Variants in MBOAT2 observed in about 807,000 individuals in gnomAD.
The protein encoded by MBOAT2 is membrane-bound glycerophospholipid O-acyltransferase 2.
Under a neutral mutation model 63.4 loss-of-function variants are expected in MBOAT2, and 28 were observed. The observed-to-expected ratio is 0.44, with a 90% CI of 0.33 to 0.61. MBOAT2 has a LOEUF of 0.61. MBOAT2 is among the 20% of genes least tolerant of loss of function. MBOAT2 has a pLI of 0.03. For missense variants in MBOAT2, 470 were observed against 605.8 expected, an observed-to-expected ratio of 0.78 and a Z score of 2.35; for synonymous variants, 211 against 215.6, an observed-to-expected ratio of 0.98 and a Z score of 0.19.
chr2:8,900,318 C>T (rs948271111), intron 4 of MBOAT2, among the ~76,000 whole-genome samples: 1 of 152,186 alleles, frequency 6.6e-6, no homozygotes, highest in South Asian at 2.1e-4. Context: ...AACTTTGGGG[C>T]TGCAGCTAAA....
chr2:8,899,952 C>A (rs1441971666), intron 4 of MBOAT2, among the ~76,000 whole-genome samples: 1 of 148,248 alleles, frequency 6.7e-6, no homozygotes, highest in African/African-American at 2.5e-5. Flanking sequence ...CTGATATCTG[C>A]GGCTGATTGG....
intron 1 of MBOAT2, among the ~76,000 whole-genome samples, chr2:8,989,425 A>G (rs1175815920): frequency 6.6e-6 from 1 of 152,234 alleles, no homozygotes; most frequent in African/African-American, 2.4e-5. Flanking sequence ...AGTAAACAAT[A>G]GAGGCAAAAA....
chr2:8,884,253 T>C (rs925669031), intron 5 of MBOAT2, among the ~76,000 whole-genome samples: 31 of 132,756 alleles, frequency 2.3e-4, no homozygotes, highest in Admixed American at 1.4e-3. Flanking sequence ...GGGAGGGACA[T>C]GGAAGATTAT....
rs199752663 is a variant in MBOAT2, at chr2:8,947,735, GA to G, written c.222-4472del. Among the ~76,000 whole-genome samples, 1,116 of 151,990 alleles carry G rather than the reference GA, an allele frequency of 7.3e-3. 12 individuals carry two copies. Among genetic ancestry groups the G allele is most frequent in the South Asian group, 0.02 (95 of 4,812 alleles). ...GCCCCTTGTCGAGATCCATTGCTCA[GA>G]AAAAAAAGATTCCTTTCAAAATATT... On this transcript the variant is annotated intron_variant, in intron 2 of 12. Coordinates refer to ENST00000305997, the MANE Select transcript of MBOAT2 (RefSeq NM_138799.4).
chr2:8,924,801 CAA>C (rs560784126), intron 3 of MBOAT2, among the ~76,000 whole-genome samples: 316 of 151,250 alleles, frequency 2.1e-3, no homozygotes, highest in African/African-American at 6.7e-3. Flanking sequence ...AAGAAAATTT[CAA>C]AGTTAGCTAA....
intron 2 of MBOAT2, among the ~76,000 whole-genome samples, chr2:8,946,503 G>A (rs143847917): frequency 7.0e-4 from 106 of 152,272 alleles, no homozygotes; most frequent in Admixed American, 1.0e-3. Context: ...TTGCCTTACC[G>A]TGCTTTGCAG....
intron 1 of MBOAT2, among the ~76,000 whole-genome samples, chr2:8,971,594 A>C (rs1287927979): frequency 6.6e-6 from 1 of 152,234 alleles, no homozygotes; most frequent in Non-Finnish European, 1.5e-5. Flanking sequence ...TTTGCAGATA[A>C]CATAATTGTA....
chr2:8,971,273 T>C (rs1195162078), intron 1 of MBOAT2, among the ~76,000 whole-genome samples: 1 of 152,184 alleles, frequency 6.6e-6, no homozygotes, highest in African/African-American at 2.4e-5. Context: ...AACCACATGA[T>C]TATCTCAACA....
intron 8 of MBOAT2, among the ~76,000 whole-genome samples, chr2:8,869,959 A>G (rs1339487633): frequency 6.6e-6 from 1 of 152,206 alleles, no homozygotes; most frequent in Admixed American, 6.5e-5. Flanking sequence ...GGTCAACAGC[A>G]ACGAAACAAG....
intron 1 of MBOAT2, among the ~76,000 whole-genome samples, chr2:8,963,697 AGT>A (rs1669788691): frequency 6.6e-6 from 1 of 152,270 alleles, no homozygotes; most frequent in Admixed American, 6.5e-5. Flanking sequence ...AAGAAATACT[AGT>A]AAGTGAAAGT....
chr2:8,855,195 A>C lies in MBOAT2; in HGVS notation c.*3484T>G, dbSNP rs1048698598. ...GTCAATGACCATGACAATAGTGTGG[A>C]CTGTGAATGTGCCCAAGTCCTTGAA... On this transcript the variant is annotated 3_prime_UTR_variant, in exon 13 of 13. Transcript: ENST00000305997. 1 of 152,212 alleles carries C rather than the reference A, an allele frequency of 6.6e-6. No homozygotes were observed. The highest frequency in any genetic ancestry group is 1.5e-5 in the Non-Finnish European group (1 of 68,048). 9.4% of individuals were successfully genotyped at this position (152,212 alleles called of 1,614,324 possible).
At chr2:8,946,778 G>A (rs1668446520) in intron 2 of MBOAT2, among the ~76,000 whole-genome samples, 1 of 152,182 alleles carries the variant, frequency 6.6e-6, no homozygotes, top group Non-Finnish European at 1.5e-5. Flanking sequence ...TGTTAGGTGT[G>A]TTCTGACTGC....
chr2:8,999,224 C>G (rs1672521395), intron 1 of MBOAT2, among the ~76,000 whole-genome samples: 1 of 152,218 alleles, frequency 6.6e-6, no homozygotes, highest in South Asian at 2.1e-4. Flanking sequence ...TGACTTTATA[C>G]AGGCCAGCTT....
At chr2:8,978,340 T>C (rs147721590) in intron 1 of MBOAT2, among the ~76,000 whole-genome samples, 37 of 152,238 alleles carry the variant, frequency 2.4e-4, no homozygotes, top group Admixed American at 4.6e-4. Context: ...TCACAGACCT[T>C]ACAATCTAAA....
At position 8,975,185 on chromosome 2, in the gene MBOAT2, C is replaced by T. The variant is rs186891586; in HGVS notation, c.76-16543G>A. On this transcript the variant is annotated intron_variant, in intron 1 of 12. Transcript: ENST00000305997. ...TACTGCACTTGTACCTGACCAATGC[C>T]ACCATCTTACCAAATCTGCCTCGTT... Among the ~76,000 whole-genome samples, 236 of 152,244 alleles carry T rather than the reference C, an allele frequency of 1.6e-3. 6 individuals are homozygous for T. Among genetic ancestry groups the T allele is most frequent in the Admixed American group, 0.013 (199 of 15,292 alleles).
At chr2:8,861,636 C>T (rs1239035394) in intron 11 of MBOAT2, among the ~76,000 whole-genome samples, 2 of 152,196 alleles carry the variant, frequency 1.3e-5, no homozygotes, top group Admixed American at 6.5e-5. Flanking sequence ...CCCCATTATA[C>T]TTCACTCACT....
chr2:8,993,636 C>G (rs533707999), intron 1 of MBOAT2, among the ~76,000 whole-genome samples: 1 of 152,126 alleles, frequency 6.6e-6, no homozygotes, highest in African/African-American at 2.4e-5. Context: ...CCCACTAGAC[C>G]GCATCCCTCA....
intron 8 of MBOAT2, among the ~76,000 whole-genome samples, chr2:8,868,974 TAA>T (rs1481664061): frequency 1.3e-5 from 2 of 152,228 alleles, no homozygotes; most frequent in Non-Finnish European, 2.9e-5. Context: ...CAATAATATA[TAA>T]GTGAGGCATA....
chr2:8,974,262 G>T (rs766477343), intron 1 of MBOAT2: 2 of 421,522 alleles, frequency 4.7e-6, no homozygotes, highest in Non-Finnish European at 9.8e-6. Context: ...TTCTGGGAAT[G>T]TAACTGTGCT....
Sources: gnomAD v4.1 joint callset for allele counts (sites outside exome capture counted in the v4.1 genomes callset) on GRCh38, gnomAD v4.1.1 for gene constraint, MANE v1.5 for transcripts, NCBI Gene and HGNC (gene_info 2026-07-23, HGNC 2026-07-21) for gene names.